The following SWAP70 variants were observed in gnomAD, a reference collection of about 807,000 sequenced individuals.
The protein encoded by SWAP70 is switch-associated protein 70.
In SWAP70, 34 loss-of-function variants were observed where a neutral mutation model predicts 80.2. The observed-to-expected ratio is 0.42, with a 90% CI of 0.32 to 0.56. The LOEUF is 0.56. Ranked by LOEUF, SWAP70 falls within the 20% of genes least tolerant of loss-of-function variation. The pLI is 0.09. For missense variants in SWAP70, 578 were observed against 690.7 expected (o/e 0.84, Z 1.83); for synonymous variants, 239 against 238.5 (o/e 1.00, Z -0.02).
intron 1 of SWAP70, among the ~76,000 whole-genome samples, chr11:9,674,247 A>G (rs192983819): frequency 6.9e-4 from 105 of 152,210 alleles, no homozygotes; most frequent in African/African-American, 2.4e-3. Flanking sequence ...AAGCACCCCA[A>G]CATTATAACA....
intron 2 of SWAP70, among the ~76,000 whole-genome samples, chr11:9,697,784 G>GT (rs1427758572): frequency 2.6e-5 from 4 of 152,090 alleles, no homozygotes; most frequent in African/African-American, 7.2e-5. Context: ...TGTTATACAT[G>GT]TTTTTTGGTT....
intron 2 of SWAP70, among the ~76,000 whole-genome samples, chr11:9,712,254 T>A (rs1421979624): frequency 1.3e-5 from 2 of 152,218 alleles, no homozygotes; most frequent in Non-Finnish European, 2.9e-5. Flanking sequence ...TGGCAAATAA[T>A]AATTATGATC....
chr11:9,687,429 C>T (rs1299372600), intron 1 of SWAP70, among the ~76,000 whole-genome samples: 1 of 152,126 alleles, frequency 6.6e-6, no homozygotes, highest in Non-Finnish European at 1.5e-5. Flanking sequence ...ATTTTCTATT[C>T]GTGTCCACAA....
At chr11:9,679,903 T>C (rs1850545777) in intron 1 of SWAP70, among the ~76,000 whole-genome samples, 1 of 152,174 alleles carries the variant, frequency 6.6e-6, no homozygotes, top group Admixed American at 6.5e-5. Flanking sequence ...TCTCCTGACC[T>C]TGTGATCTGC....
intron 2 of SWAP70, among the ~76,000 whole-genome samples, chr11:9,708,905 C>T (rs749916967): frequency 2.0e-5 from 3 of 152,056 alleles, no homozygotes; most frequent in Non-Finnish European, 4.4e-5. Flanking sequence ...GTGGGAAGAG[C>T]TAGCATTTGA....
intron 7 of SWAP70, among the ~76,000 whole-genome samples, chr11:9,734,546 G>A (rs1025478409): frequency 2.0e-5 from 3 of 152,046 alleles, no homozygotes; most frequent in Admixed American, 6.6e-5. Context: ...CTTATAGATC[G>A]CTTAGTAATC....
At chr11:9,748,771 G>C (rs472109) in intron 10 of SWAP70, among the ~76,000 whole-genome samples, 85,116 of 152,076 alleles carry the variant, frequency 0.56, 24,116 homozygotes, top group Middle Eastern at 0.76. Flanking sequence ...GCAGTAAACT[G>C]TAACTGGCAC....
rs769127933 is a variant in SWAP70, at chr11:9,749,882, T to C, written c.1670T>C (p.Leu557Pro). 5.6e-6 allele frequency: 9 copies of C among 1,613,418 alleles called. No individual in the cohort carries two copies. Among genetic ancestry groups the C allele is most frequent in the Non-Finnish European group, 7.6e-6 (9 of 1,179,340 alleles). Residue 557 changes from leucine to proline, a missense_variant, in exon 12 of 12, where the codon CTG becomes CCG. Physicochemically the swap from Leu to Pro is moderately conservative, Grantham distance 98. Coordinates refer to ENST00000318950, the MANE Select transcript of SWAP70 (RefSeq NM_015055.4). ...LIEPGSKNPH[L>P]ITNWGPAAFT... ...CTCTTAGGTTCAAAGAACCCTCACC[T>C]GATCACTAACTGGGGACCTGCAGCT...
At chr11:9,682,007 A>G (rs1043840443) in intron 1 of SWAP70, among the ~76,000 whole-genome samples, 4 of 152,224 alleles carry the variant, frequency 2.6e-5, no homozygotes, top group African/African-American at 9.6e-5. Flanking sequence ...GCTGGGCTTC[A>G]GTTTCCTCAT....
At chr11:9,692,778 G>A (rs1247203475) in intron 1 of SWAP70, among the ~76,000 whole-genome samples, 1 of 152,212 alleles carries the variant, frequency 6.6e-6, no homozygotes, top group Non-Finnish European at 1.5e-5. Flanking sequence ...TGATTGTGGT[G>A]CAGGATTCTC....
rs559156653 is a variant in SWAP70, at chr11:9,682,810, G to A, written c.100-11336G>A. On this transcript the variant is annotated intron_variant, in intron 1 of 11. Transcript: ENST00000318950. ...TCATGCCTCAGCCTCCCAAGTAGCT[G>A]GGATTACAGGCATGTGCCACCACGC... 2.0e-5 allele frequency among the ~76,000 whole-genome samples: 3 copies of A among 152,244 alleles called. No homozygotes were observed. The South Asian group carries it at 6.2e-4, about 32-fold the overall frequency.
In SWAP70 at chr11:9,743,521, G is replaced by A. The variant is rs377028419; in HGVS notation, c.1355+3174G>A. Among the ~76,000 whole-genome samples the A allele has an allele frequency of 3.5e-3, 529 of 151,482 alleles. 4 individuals carry two copies. The highest frequency in any genetic ancestry group is 4.8e-3 in the South Asian group (23 of 4,812). ...ACTAGTTTACAGTCCCACCAACAGTGTAAAAGTGTTCCTATTTCTCCACAT... is the reference window on the plus strand; with the variant it reads ...ACTAGTTTACAGTCCCACCAACAGTATAAAAGTGTTCCTATTTCTCCACAT... On this transcript the variant is annotated intron_variant, in intron 9 of 11. Transcript: ENST00000318950.
intron 2 of SWAP70, among the ~76,000 whole-genome samples, chr11:9,709,379 T>G (rs1850965488): frequency 3.3e-5 from 5 of 152,198 alleles, no homozygotes; most frequent in Admixed American, 2.6e-4. Flanking sequence ...TCCTTCCACC[T>G]CAGCCTCCCA....
At position 9,671,607 on chromosome 11, in the gene SWAP70, T is replaced by TAC. The variant is rs1454154982; in HGVS notation, c.99+7330_99+7331insCA. Among the ~76,000 whole-genome samples the TAC allele has an allele frequency of 1.6e-4, 5 of 31,128 alleles. 1 individual carries two copies. Among genetic ancestry groups the TAC allele is most frequent in the South Asian group, 1.9e-3 (2 of 1,034 alleles). 20.4% of individuals were successfully genotyped at this position (31,128 alleles called of 152,430 possible). A position where few individuals can be genotyped will look rare whatever the true frequency, so the allele number is the denominator to read the frequency against. On this transcript the variant is annotated intron_variant, in intron 1 of 11. Transcript: ENST00000318950. ...ATTTCTATATATAAATATATTTATATAGAAATATATTTCTATATAAATATA... is the reference window on the plus strand; with the variant it reads ...ATTTCTATATATAAATATATTTATATACAGAAATATATTTCTATATAAATATA...
intron 2 of SWAP70, among the ~76,000 whole-genome samples, chr11:9,713,161 T>C (rs1166789175): frequency 6.6e-6 from 1 of 152,142 alleles, no homozygotes; most frequent in Non-Finnish European, 1.5e-5. Flanking sequence ...AGTGCTAGGA[T>C]TGGTAGTCTG....
chr11:9,738,567 C>T (rs1033928751), intron 8 of SWAP70, among the ~76,000 whole-genome samples: 1 of 151,794 alleles, frequency 6.6e-6, no homozygotes, highest in African/African-American at 2.4e-5. Context: ...TTCAAGACTC[C>T]TAAGTGGAAA....
chr11:9,701,467 C>T (rs764748233), intron 2 of SWAP70, among the ~76,000 whole-genome samples: 12 of 151,908 alleles, frequency 7.9e-5, no homozygotes, highest in African/African-American at 1.2e-4. Flanking sequence ...CCACTGTGCC[C>T]GGCCCCAAAT....
At chr11:9,729,504 C>CTT (rs34125178) in intron 6 of SWAP70, 53 bp downstream of exon 6, 932 of 1,244,100 alleles carry the variant, frequency 7.5e-4, no homozygotes, top group East Asian at 4.1e-3. Context: ...CTCTGACTTT[C>CTT]TTTTTTTTTT....
At chr11:9,682,392 A>C (rs1450811903) in intron 1 of SWAP70, among the ~76,000 whole-genome samples, 1 of 152,166 alleles carries the variant, frequency 6.6e-6, no homozygotes, top group African/African-American at 2.4e-5. Flanking sequence ...AGGGTGGCAA[A>C]CCTATTTTGG....
Sources: gnomAD v4.1 joint callset for allele counts (sites outside exome capture counted in the v4.1 genomes callset) on GRCh38, gnomAD v4.1.1 for gene constraint, MANE v1.5 for transcripts, NCBI Gene and HGNC (gene_info 2026-07-23, HGNC 2026-07-21) for gene names.